The following VPS13A variants were observed in gnomAD, a reference collection of about 807,000 sequenced individuals.
The protein encoded by VPS13A is intermembrane lipid transfer protein VPS13A.
VPS13A carries 264 observed loss-of-function variants against 390.9 expected under a neutral mutation model. The ratio of observed to expected loss-of-function variants is 0.68; its 90% CI spans 0.61 to 0.75. The LOEUF (loss-of-function observed/expected upper bound fraction) is 0.75. Among genes scored for constraint, VPS13A ranks in the 30% least tolerant of loss-of-function variants. The pLI is 0.00. For missense variants in VPS13A, 3,409 were observed against 3,733.9 expected, an observed-to-expected ratio of 0.91 and a Z score of 2.27; for synonymous variants, 1,231 against 1,227.1, an observed-to-expected ratio of 1.00 and a Z score of -0.07.
chr9:77,328,046 C>T (rs1002097953), intron 45 of VPS13A, among the ~76,000 whole-genome samples: 2 of 152,082 alleles, frequency 1.3e-5, no homozygotes, highest in African/African-American at 4.8e-5. Flanking sequence ...AATAATGAGA[C>T]TAATATTATT....
Position 77,305,124 on chromosome 9 carries a change from G to A in VPS13A, c.3960+2062G>A, listed in dbSNP as rs192713615. Among the ~76,000 whole-genome samples, 17 of 152,124 alleles carry A rather than the reference G, an allele frequency of 1.1e-4. No homozygotes were observed. In the East Asian group the frequency reaches 3.3e-3, roughly 30 times the overall value. ...CGGCTAATTTTTTGTGTTTGTAGTAGAGACGGGATTTCACCGTGTTAGCCA... is the reference window on the plus strand; with the variant it reads ...CGGCTAATTTTTTGTGTTTGTAGTAAAGACGGGATTTCACCGTGTTAGCCA... On this transcript the variant is annotated intron_variant, in intron 34 of 71. Coordinates refer to ENST00000360280, the MANE Select transcript of VPS13A (RefSeq NM_033305.3).
At chr9:77,346,559 C>A (rs553052971) in intron 52 of VPS13A, among the ~76,000 whole-genome samples, 29 of 152,208 alleles carry the variant, frequency 1.9e-4, no homozygotes, top group African/African-American at 7.0e-4. Flanking sequence ...TATTTTGTTG[C>A]ATTTGCTTTT....
At chr9:77,414,739 T>TTAATAAAATAATAA (rs369364980) in intron 71 of VPS13A, among the ~76,000 whole-genome samples, 1 of 145,672 alleles carries the variant, frequency 6.9e-6, no homozygotes, top group East Asian at 2.0e-4. Flanking sequence ...TGAAGTATAA[T>TTAATAAAATAATAA]TAATAATAAT....
At chr9:77,348,460 G>T (rs981616935) in intron 52 of VPS13A, among the ~76,000 whole-genome samples, 3 of 152,140 alleles carry the variant, frequency 2.0e-5, no homozygotes, top group Admixed American at 6.6e-5. Context: ...ACTGGGGCCT[G>T]TTGGGGGCAT....
chr9:77,410,561 G>C (rs1041079658), intron 71 of VPS13A, among the ~76,000 whole-genome samples: 2 of 152,142 alleles, frequency 1.3e-5, no homozygotes, highest in Non-Finnish European at 2.9e-5. Context: ...CTCACATGCA[G>C]AGACACACAT....
intron 10 of VPS13A, 138 bp from the exon 11 acceptor site, chr9:77,219,816 C>A: frequency 1.2e-6 from 1 of 840,258 alleles, no homozygotes; most frequent in South Asian, 1.6e-5. Flanking sequence ...TCTGACTGAA[C>A]CATGGCAGTG....
chr9:77,314,906 G>A (rs1319934404), intron 37 of VPS13A, among the ~76,000 whole-genome samples: 1 of 152,028 alleles, frequency 6.6e-6, no homozygotes, highest in African/African-American at 2.4e-5. Context: ...AATTAAATTG[G>A]TTTTTACATT....
chr9:77,362,994 A>G (rs1020386440), intron 59 of VPS13A, among the ~76,000 whole-genome samples: 3 of 151,876 alleles, frequency 2.0e-5, no homozygotes, highest in Non-Finnish European at 2.9e-5. Context: ...TGTTAGCTCT[A>G]TTTGTTGTTC....
At chr9:77,340,614 C>A in intron 50 of VPS13A, 64 bp downstream of exon 50, 1 of 1,583,968 alleles carries the variant, frequency 6.3e-7, no homozygotes, top group Non-Finnish European at 8.6e-7. Flanking sequence ...AGTTAGATAC[C>A]TAAAGTCACC....
intron 12 of VPS13A, 58 bp from the exon 13 acceptor site, chr9:77,221,127 C>A: frequency 2.7e-6 from 4 of 1,503,234 alleles, no homozygotes; most frequent in Non-Finnish European, 2.8e-6. Flanking sequence ...GAAGCAATGT[C>A]AGTAATGTTT....
chr9:77,196,678 T>G (rs1353926033), intron 1 of VPS13A, among the ~76,000 whole-genome samples: 2 of 151,998 alleles, frequency 1.3e-5, no homozygotes, highest in African/African-American at 4.8e-5. Context: ...TTGTTTTGTT[T>G]TTTTTTTTAA....
rs762608017 is a variant in VPS13A at position 77,315,416 on chromosome 9, A to G, written c.4576A>G (p.Thr1526Ala). The stretch of plus-strand genomic sequence containing the variant: ...TGCAAATGTCTTTCTTGAGGCCTAC[A>G]CCACAGGCACTGCTGTAGAAACCAG... The part of the protein sequence containing the change: ...TVANVFLEAY[T>A]TGTAVETSVQ... Residue 1526 changes from threonine (T) to alanine (A), a missense_variant, in exon 38 of 72, where the codon ACC becomes GCC. Coordinates refer to ENST00000360280, the MANE Select transcript of VPS13A (RefSeq NM_033305.3). 3.1e-6 allele frequency: 5 copies of G among 1,613,996 alleles called. No homozygotes were observed. Among genetic ancestry groups the G allele is most frequent in the Non-Finnish European group, 4.2e-6 (5 of 1,179,874 alleles).
chr9:77,240,484 T>G (rs36025292), intron 19 of VPS13A, among the ~76,000 whole-genome samples: 1,767 of 149,820 alleles, frequency 0.012, 68 homozygotes, highest in Admixed American at 0.074. Flanking sequence ...TTTTGTTTTT[T>G]TTTTTTTTTT....
intron 1 of VPS13A, among the ~76,000 whole-genome samples, chr9:77,185,911 A>C (rs563200100): frequency 2.0e-5 from 3 of 152,270 alleles, no homozygotes; most frequent in Middle Eastern, 3.4e-3. Flanking sequence ...CGGATCATTT[A>C]AGGTTAAGAG....
At position 77,307,929 on chromosome 9, in the gene VPS13A, CTTTTTTT is replaced by C; in HGVS notation, c.3961-12_3961-6del. 7.0e-7 allele frequency: 1 copy of C among 1,424,112 alleles called. No individual in the cohort carries two copies. The highest frequency in any genetic ancestry group is 9.7e-7 in the Non-Finnish European group (1 of 1,031,274). 88.2% of individuals were successfully genotyped at this position (1,424,112 alleles called of 1,614,324 possible). A position where few individuals can be genotyped will look rare whatever the true frequency, so the allele number is the denominator to read the frequency against. On this transcript the variant is annotated splice_polypyrimidine_tract_variant and intron_variant, in intron 34 of 71. Coordinates refer to ENST00000360280, the MANE Select transcript of VPS13A (RefSeq NM_033305.3). ...AGTAGCAGTGCTAAAAAGAACAAAT[CTTTTTTT>C]TTTAACAGTTCATTCTTAGTCAAGA...
chr9:77,203,248 C>T (rs776981934), intron 3 of VPS13A, among the ~76,000 whole-genome samples: 1 of 152,068 alleles, frequency 6.6e-6, no homozygotes, highest in Non-Finnish European at 1.5e-5. Flanking sequence ...AAATTTTCTA[C>T]TAGGAGTCTA....
chr9:77,193,238 A>G (rs1022926888), intron 1 of VPS13A, among the ~76,000 whole-genome samples: 6 of 151,432 alleles, frequency 4.0e-5, no homozygotes, highest in Non-Finnish European at 7.4e-5. Flanking sequence ...TCAGCTCTTG[A>G]CTCATTTTAC....
Position 77,254,035 on chromosome 9 carries a change from C to G in VPS13A, c.2288+1683C>G, listed in dbSNP as rs539727151. Among the ~76,000 whole-genome samples the G allele has an allele frequency of 2.9e-3, 441 of 150,382 alleles. 8 individuals carry two copies. The highest frequency in any genetic ancestry group is 0.02 in the Admixed American group (307 of 15,066). On this transcript the variant is annotated intron_variant, in intron 22 of 71. Transcript: ENST00000360280. ...TCGGCTCACTGCAGGCTCCGCCCCC[C>G]AGGGTTCACACCATTCTCCTGCCTC...
Position 77,293,859 on chromosome 9 carries a change from T to C in VPS13A, c.3507+351T>C, listed in dbSNP as rs1426112663. The stretch of plus-strand genomic sequence containing the variant: ...GCAACTATAATTTAAAAATACTGAA[T>C]ATATAATTGAAGTTTGTTTTGGTCT... On this transcript the variant is annotated intron_variant, in intron 32 of 71. Coordinates refer to ENST00000360280, the MANE Select transcript of VPS13A (RefSeq NM_033305.3). Among the ~76,000 whole-genome samples the C allele has an allele frequency of 2.0e-5, 3 of 152,284 alleles. No homozygotes were observed. The East Asian group carries it at 5.8e-4, about 29-fold the overall frequency.
Sources: gnomAD v4.1 joint callset for allele counts (sites outside exome capture counted in the v4.1 genomes callset) on GRCh38, gnomAD v4.1.1 for gene constraint, MANE v1.5 for transcripts, NCBI Gene and HGNC (gene_info 2026-07-23, HGNC 2026-07-21) for gene names.